VPS13B: variants seen among roughly 807,000 people sequenced by gnomAD.
The protein encoded by VPS13B is intermembrane lipid transfer protein VPS13B.
A neutral mutation model predicts 426.4 loss-of-function variants in VPS13B; 285 were observed. That is an observed-to-expected ratio of 0.67 (90% confidence interval 0.61 to 0.74). The LOEUF is 0.74. Ranked by LOEUF, VPS13B falls within the 30% of genes least tolerant of loss-of-function variation. The probability of loss-of-function intolerance (pLI) is 0.00; values close to 1 mark genes in which losing one functional copy is unlikely to be tolerated. For synonymous variants in VPS13B, 1,676 were observed against 1,676.4 expected (o/e 1.00, Z 0.01); for missense variants, 4,537 against 4,782.6 (o/e 0.95, Z 1.51).
At chr8:99,571,183 T>C (rs1256944047) in intron 31 of VPS13B, among the ~76,000 whole-genome samples, 2 of 152,190 alleles carry the variant, frequency 1.3e-5, no homozygotes, top group Admixed American at 1.3e-4. Context: ...TTAATGACCC[T>C]AAGGTCATTA....
intron 7 of VPS13B, chr8:99,119,443 G>A (rs1321910924): frequency 2.0e-5 from 3 of 152,180 alleles, no homozygotes. Context: ...TTTGGTTGAG[G>A]TGGGGGTCTC....
intron 5 of VPS13B, among the ~76,000 whole-genome samples, chr8:99,106,154 G>C (rs576471107): frequency 6.6e-6 from 1 of 151,906 alleles, no homozygotes. Context: ...ATAGCTGGCC[G>C]GGTGTGGTGG....
intron 34 of VPS13B, among the ~76,000 whole-genome samples, chr8:99,645,014 A>G (rs1032069318): frequency 1.3e-5 from 2 of 152,152 alleles, no homozygotes; most frequent in African/African-American, 4.8e-5. Flanking sequence ...CCTAGCAATA[A>G]ACAGAGCTAC....
At chr8:99,089,664 T>G (rs1294349379) in intron 3 of VPS13B, among the ~76,000 whole-genome samples, 1 of 152,116 alleles carries the variant, frequency 6.6e-6, no homozygotes, top group Non-Finnish European at 1.5e-5. Context: ...AAGTTCTTAT[T>G]ATGCAGATGA....
At chr8:99,239,380 G>A (rs1816800589) in intron 17 of VPS13B, among the ~76,000 whole-genome samples, 1 of 151,992 alleles carries the variant, frequency 6.6e-6, no homozygotes, top group African/African-American at 2.4e-5. Context: ...CTTATCATCT[G>A]GATACCCTAT....
intron 34 of VPS13B, among the ~76,000 whole-genome samples, chr8:99,654,515 C>A (rs1369605804): frequency 6.6e-6 from 1 of 152,102 alleles, no homozygotes; most frequent in East Asian, 1.9e-4. Flanking sequence ...AATATATTTT[C>A]TCCAAGTAAG....
At chr8:99,688,867 T>G (rs547678713) in intron 35 of VPS13B, among the ~76,000 whole-genome samples, 1 of 151,982 alleles carries the variant, frequency 6.6e-6, no homozygotes. Flanking sequence ...ACAGAAAGAA[T>G]GAGGCTTGGA....
intron 22 of VPS13B, among the ~76,000 whole-genome samples, chr8:99,438,155 C>T (rs1441730871): frequency 6.7e-6 from 1 of 148,508 alleles, no homozygotes; most frequent in Non-Finnish European, 1.5e-5. Flanking sequence ...GGTAATAATG[C>T]TGTTATTCCT....
At chr8:99,354,806 C>T (rs1022519390) in intron 19 of VPS13B, among the ~76,000 whole-genome samples, 3 of 152,154 alleles carry the variant, frequency 2.0e-5, no homozygotes, top group African/African-American at 7.2e-5. Flanking sequence ...ATCCTCTCAC[C>T]TTAGCCTCCC....
At chr8:99,633,138 T>A (rs563264688) in intron 33 of VPS13B, among the ~76,000 whole-genome samples, 1 of 152,054 alleles carries the variant, frequency 6.6e-6, no homozygotes, top group African/African-American at 2.4e-5. Flanking sequence ...TTCATTTCCA[T>A]GAATCCTACA....
chr8:99,695,724 G>C (rs1003271273), intron 35 of VPS13B, among the ~76,000 whole-genome samples: 7 of 129,266 alleles, frequency 5.4e-5, no homozygotes, highest in Non-Finnish European at 1.7e-5. Flanking sequence ...TCCATACCAA[G>C]AAAAAAAAAA....
rs549883833 is a variant in VPS13B, at chr8:99,522,295, G to C, written c.4745+1285G>C. ...TTCAGAAGTAAGTGGTCCTAAAATA[G>C]AGACCTACTTTACTTTTGGTGAAAG... On this transcript the variant is annotated intron_variant, in intron 30 of 61. Transcript: ENST00000357162. Among the ~76,000 whole-genome samples the C allele has an allele frequency of 2.0e-5, 3 of 152,210 alleles. No individual in the cohort carries two copies. In the South Asian group the frequency reaches 6.2e-4, roughly 32 times the overall value.
chr8:99,277,469 A>T (rs923085474), intron 19 of VPS13B, among the ~76,000 whole-genome samples: 20 of 152,176 alleles, frequency 1.3e-4, no homozygotes, highest in Admixed American at 1.2e-3. Context: ...TTCTTGTAAC[A>T]AGATTTAATT....
chr8:99,028,127 C>T (rs570620534), intron 2 of VPS13B, among the ~76,000 whole-genome samples: 13 of 152,290 alleles, frequency 8.5e-5, no homozygotes, highest in African/African-American at 2.9e-4. Flanking sequence ...CACACAGACC[C>T]GGCAACCATC....
chr8:99,832,353 T>TTTTTTTTTTTTTTTTTTTG lies in VPS13B; in HGVS notation c.9331-3_9331-2insTTTTTGTTTTTTTTTTTTT. 1.4e-6 allele frequency: 2 copies of TTTTTTTTTTTTTTTTTTTG among 1,465,210 alleles called. No homozygotes were observed. Among genetic ancestry groups the TTTTTTTTTTTTTTTTTTTG allele is most frequent in the South Asian group, 1.3e-5 (1 of 77,136 alleles). 90.8% of individuals were successfully genotyped at this position (1,465,210 alleles called of 1,614,324 possible). Reference sequence around the variant, plus strand: ...ATGTGCTCTCTGCATTTTTTTTTTTTTTTTTTTTTTTTTAGTATTTTCGTG... The same window carrying TTTTTTTTTTTTTTTTTTTG: ...ATGTGCTCTCTGCATTTTTTTTTTTTTTTTTTTTTTTTTTTTTTGTTTTTTTTTTTTTAGTATTTTCGTG... On this transcript the variant is annotated splice_polypyrimidine_tract_variant and intron_variant, in intron 51 of 61. Coordinates refer to ENST00000357162, the MANE Select transcript of VPS13B (RefSeq NM_152564.5).
chr8:99,119,062 T>G (rs1847815345), intron 7 of VPS13B, among the ~76,000 whole-genome samples: 1 of 152,200 alleles, frequency 6.6e-6, no homozygotes, highest in Non-Finnish European at 1.5e-5. Flanking sequence ...TTCACTTTTT[T>G]GCCATTGGGA....
chr8:99,680,064 TA>T (rs1009507958), intron 35 of VPS13B, among the ~76,000 whole-genome samples: 6 of 152,198 alleles, frequency 3.9e-5, no homozygotes, highest in African/African-American at 9.6e-5. Context: ...CTTGCTTGTC[TA>T]AAAAATTTTT....
intron 37 of VPS13B, 118 bp downstream of exon 37, chr8:99,717,491 G>A (rs1832970996): frequency 9.6e-6 from 9 of 939,986 alleles, no homozygotes; most frequent in African/African-American, 3.3e-5. Context: ...TTGTCAGATT[G>A]CTACTTGTTA....
intron 17 of VPS13B, among the ~76,000 whole-genome samples, chr8:99,255,538 G>A (rs1033048610): frequency 2.0e-5 from 3 of 152,180 alleles, no homozygotes; most frequent in African/African-American, 7.2e-5. Flanking sequence ...CTCCAGCAGT[G>A]GAAGGGAACA....
Sources: gnomAD v4.1 joint callset for allele counts (sites outside exome capture counted in the v4.1 genomes callset) on GRCh38, gnomAD v4.1.1 for gene constraint, MANE v1.5 for transcripts, NCBI Gene and HGNC (gene_info 2026-07-23, HGNC 2026-07-21) for gene names.